LMX1B: variants seen among roughly 807,000 people sequenced by gnomAD.
LMX1B encodes LIM homeobox transcription factor 1 beta.
LMX1B carries 12 observed loss-of-function variants against 51.4 expected under a neutral mutation model. The observed-to-expected ratio is 0.23, with a 90% CI of 0.15 to 0.38. The LOEUF (loss-of-function observed/expected upper bound fraction) is 0.38, where lower values mean the gene tolerates loss of function less well. LMX1B is among the 10% of genes least tolerant of loss of function. The pLI is 1.00. For missense variants in LMX1B, 445 were observed against 571.1 expected, an observed-to-expected ratio of 0.78 and a Z score of 2.25; for synonymous variants, 237 against 235.4, an observed-to-expected ratio of 1.01 and a Z score of -0.06.
At chr9:126,632,884 C>T (rs1256412348) in intron 2 of LMX1B, among the ~76,000 whole-genome samples, 1 of 152,186 alleles carries the variant, frequency 6.6e-6, no homozygotes, top group Non-Finnish European at 1.5e-5. Context: ...GTTTAATGCT[C>T]CTGCTGTCAC....
chr9:126,691,008 G>T lies in LMX1B; in HGVS notation c.499G>T (p.Gly167Cys). The T allele has an allele frequency of 6.2e-7, 1 of 1,614,074 alleles. No individual in the cohort carries two copies. The highest frequency in any genetic ancestry group is 2.2e-5 in the East Asian group (1 of 44,862). The change falls in exon 3 of 8, where the codon GGT (glycine) becomes TGT (cysteine). Residue 167 changes from glycine to cysteine, a missense_variant. Gly to Cys is a radical substitution (Grantham distance 159). Transcript: ENST00000373474. ...VLKEGQLLCK[G>C]DYEKEKDLLS... ...CAAGGAGGGCCAGCTGCTGTGCAAGGGTGACTACGAGAAGGAGAAGGACCT... is the reference window on the plus strand; with the variant it reads ...CAAGGAGGGCCAGCTGCTGTGCAAGTGTGACTACGAGAAGGAGAAGGACCT...
At chr9:126,622,736 T>C (rs1165761875) in intron 2 of LMX1B, among the ~76,000 whole-genome samples, 6 of 152,212 alleles carry the variant, frequency 3.9e-5, no homozygotes, top group Non-Finnish European at 5.9e-5. Flanking sequence ...TTCCAGAGGA[T>C]CAAGGTGCTC....
chr9:126,617,479 C>T (rs939548634), intron 2 of LMX1B, among the ~76,000 whole-genome samples: 31 of 151,162 alleles, frequency 2.1e-4, no homozygotes, highest in Admixed American at 6.6e-5. Context: ...TAATTATTTA[C>T]GGAGCTTCTC....
chr9:126,625,877 C>CT lies in LMX1B; in HGVS notation c.326+10310dup, dbSNP rs1220526489. ...CCGGCAGGCGCAGCGGGCGCCGAGGCTTGGGCTTTAGCCGTGGCGCTCGCC... is the reference window on the plus strand; with the variant it reads ...CCGGCAGGCGCAGCGGGCGCCGAGGCTTTGGGCTTTAGCCGTGGCGCTCGCC... On this transcript the variant is annotated intron_variant, in intron 2 of 7. Transcript: ENST00000373474. This position sits in a 1 kb window ranked among gnomAD's most constrained non-coding sequence, Gnocchi z 5.3. 1.3e-5 allele frequency among the ~76,000 whole-genome samples: 2 copies of CT among 152,190 alleles called. No homozygotes were observed. The highest frequency in any genetic ancestry group is 2.9e-5 in the Non-Finnish European group (2 of 68,022).
In LMX1B at chr9:126,696,701, G is replaced by C. The variant is rs1161598910; in HGVS notation, c.*250G>C. ...TCATCCCCAGGGACCCAGAGCTCTCGGACGGCCACTCGCCTCCCAGCCCCA... is the reference window on the plus strand; with the variant it reads ...TCATCCCCAGGGACCCAGAGCTCTCCGACGGCCACTCGCCTCCCAGCCCCA... On this transcript the variant is annotated 3_prime_UTR_variant, in exon 8 of 8. Coordinates refer to ENST00000373474, the MANE Select transcript of LMX1B (RefSeq NM_001174147.2). 5 of 558,674 alleles carry C rather than the reference G, an allele frequency of 8.9e-6. No individual in the cohort carries two copies. The highest frequency in any genetic ancestry group is 4.8e-4 in the Middle Eastern group (1 of 2,096). The allele number at this position is 558,674 out of a possible 1,614,324, so 34.6% of individuals were successfully genotyped here.
intron 4 of LMX1B, 84 bp downstream of exon 4, chr9:126,693,407 G>A: frequency 6.5e-7 from 1 of 1,547,534 alleles, no homozygotes; most frequent in Non-Finnish European, 8.9e-7. Context: ...CTCCTGCTGG[G>A]GGTAGGGACA....
chr9:126,675,598 G>T (rs1026262327), intron 2 of LMX1B, among the ~76,000 whole-genome samples: 1 of 151,378 alleles, frequency 6.6e-6, no homozygotes, highest in Non-Finnish European at 1.5e-5. Context: ...AGTGGCACAC[G>T]CCTGTAATCC....
intron 2 of LMX1B, among the ~76,000 whole-genome samples, chr9:126,676,391 CCCCAGCA>C (rs1158060140): frequency 6.6e-6 from 1 of 152,184 alleles, no homozygotes; most frequent in Non-Finnish European, 1.5e-5. Context: ...TCGCTGCTGT[CCCCAGCA>C]CCCAGCACCG....
At chr9:126,687,456 C>G (rs1411743987) in intron 2 of LMX1B, among the ~76,000 whole-genome samples, 1 of 152,108 alleles carries the variant, frequency 6.6e-6, no homozygotes, top group Non-Finnish European at 1.5e-5. Context: ...TTTTGAACTC[C>G]TAACCTTAAG....
chr9:126,658,603 A>C lies in LMX1B; in HGVS notation c.327-32233A>C, dbSNP rs1483327074. The stretch of plus-strand genomic sequence containing the variant: ...TCATGCCTCTAAGTAACCAATTTAA[A>C]GGCAGGCGGCCGCACCCGGCAGCGT... On this transcript the variant is annotated intron_variant, in intron 2 of 7. Coordinates refer to ENST00000373474, the MANE Select transcript of LMX1B (RefSeq NM_001174147.2). The surrounding 1 kb of genome is among the most constrained non-coding windows in gnomAD (Gnocchi z 4.0). 6.6e-6 allele frequency among the ~76,000 whole-genome samples: 1 copy of C among 152,222 alleles called. No individual in the cohort carries two copies. Among genetic ancestry groups the C allele is most frequent in the African/African-American group, 2.4e-5 (1 of 41,458 alleles).
chr9:126,693,344 G>C, intron 4 of LMX1B, 21 bp downstream of exon 4: 1 of 1,581,470 alleles, frequency 6.3e-7, no homozygotes, highest in Non-Finnish European at 8.6e-7. Flanking sequence ...GCCGGGGGGC[G>C]GGGCTCAGGC....
At chr9:126,654,869 T>G (rs915962882) in intron 2 of LMX1B, among the ~76,000 whole-genome samples, 1 of 152,138 alleles carries the variant, frequency 6.6e-6, no homozygotes, top group African/African-American at 2.4e-5. Flanking sequence ...TTCACCCTAC[T>G]AATCATTTCT....
chr9:126,628,759 G>A (rs987416678), intron 2 of LMX1B, among the ~76,000 whole-genome samples: 5 of 152,034 alleles, frequency 3.3e-5, no homozygotes, highest in Non-Finnish European at 5.9e-5. Context: ...GATTTTTCAG[G>A]CTATCTCTAA....
intron 2 of LMX1B, among the ~76,000 whole-genome samples, chr9:126,621,803 G>A (rs1480117819): frequency 6.6e-6 from 1 of 151,990 alleles, no homozygotes; most frequent in African/African-American, 2.4e-5. Context: ...TGGGGGGAAG[G>A]TGTAACTGAC....
chr9:126,654,103 C>T (rs1836068514), intron 2 of LMX1B, among the ~76,000 whole-genome samples: 1 of 152,184 alleles, frequency 6.6e-6, no homozygotes, highest in South Asian at 2.1e-4. Context: ...CCTACTCATC[C>T]CACCAGTCTC....
Position 126,658,588 on chromosome 9 carries a change from A to G in LMX1B, c.327-32248A>G, listed in dbSNP as rs1234669298. ...CTCGCCCCTCATCCATCATGCCTCT[A>G]AGTAACCAATTTAAAGGCAGGCGGC... On this transcript the variant is annotated intron_variant, in intron 2 of 7. Coordinates refer to ENST00000373474, the MANE Select transcript of LMX1B (RefSeq NM_001174147.2). The surrounding 1 kb of genome is among the most constrained non-coding windows in gnomAD (Gnocchi z 4.0). 6.6e-6 allele frequency among the ~76,000 whole-genome samples: 1 copy of G among 152,214 alleles called. No individual in the cohort carries two copies. Among genetic ancestry groups the G allele is most frequent in the Admixed American group, 6.5e-5 (1 of 15,276 alleles).
At chr9:126,648,242 C>T (rs1398326425) in intron 2 of LMX1B, among the ~76,000 whole-genome samples, 5 of 152,200 alleles carry the variant, frequency 3.3e-5, no homozygotes, top group African/African-American at 4.8e-5. Flanking sequence ...TAGCTGTGCT[C>T]GGCACTAATA....
chr9:126,640,690 G>A (rs77673310), intron 2 of LMX1B: 3,589 of 152,448 alleles, frequency 0.024, 57 homozygotes, highest in Non-Finnish European at 0.036. Context: ...GCTGATCACT[G>A]TCCCAGAGCT....
chr9:126,674,300 T>A (rs553630472), intron 2 of LMX1B, among the ~76,000 whole-genome samples: 69 of 152,196 alleles, frequency 4.5e-4, no homozygotes, highest in African/African-American at 1.5e-3. Context: ...AAGCTCCTCT[T>A]CCTTTATTAA....
Sources: gnomAD v4.1 joint callset for allele counts (sites outside exome capture counted in the v4.1 genomes callset) on GRCh38, gnomAD v4.1.1 for gene constraint, Gnocchi (gnomAD v3.1) non-coding constraint, MANE v1.5 for transcripts, NCBI Gene and HGNC (gene_info 2026-07-23, HGNC 2026-07-21) for gene names.